NAALADL2: variants seen among roughly 807,000 people sequenced by gnomAD.
NAALADL2 encodes inactive N-acetylated-alpha-linked acidic dipeptidase-like protein 2.
Under a neutral mutation model 87.2 loss-of-function variants are expected in NAALADL2, and 76 were observed. That is an observed-to-expected ratio of 0.87 (90% CI 0.72 to 1.05). The LOEUF (loss-of-function observed/expected upper bound fraction) is 1.05, where lower values mean the gene tolerates loss of function less well. Ranked by LOEUF, NAALADL2 falls within the 50% of genes least tolerant of loss-of-function variation. The probability of loss-of-function intolerance (pLI) is 0.00; values close to 1 mark genes in which losing one functional copy is unlikely to be tolerated. For synonymous variants in NAALADL2, 354 were observed against 331.0 expected (o/e 1.07, Z -0.75); for missense variants, 1,089 against 945.8 (o/e 1.15, Z -1.99).
At position 174,853,201 on chromosome 3, in the gene NAALADL2, C is replaced by CAAAAAAAAA. The variant is rs34303846; in HGVS notation, c.-9+115474_-9+115482dup. Among the ~76,000 whole-genome samples, 145 of 45,604 alleles carry CAAAAAAAAA rather than the reference C, an allele frequency of 3.2e-3. 7 individuals are homozygous for CAAAAAAAAA. Among genetic ancestry groups the CAAAAAAAAA allele is most frequent in the Middle Eastern group, 0.02 (1 of 50 alleles). The allele number at this position is 45,604 out of a possible 152,430, so 29.9% of individuals were successfully genotyped here. ...CAACATGGTGAAACCCCGTCTCTAC[C>CAAAAAAAAA]AAAAAAAAAAAAAAAAAAAAAAAAA... On this transcript the variant is annotated intron_variant, in intron 3 of 3. Coordinates refer to the NAALADL2 transcript ENST00000434257.
chr3:175,140,816 G>A (rs1417667018), intron 2 of NAALADL2, among the ~76,000 whole-genome samples: 1 of 152,080 alleles, frequency 6.6e-6, no homozygotes, highest in Non-Finnish European at 1.5e-5. Flanking sequence ...GAAACAGAGG[G>A]AAGATGTTGA....
At chr3:174,714,317 G>T (rs1406801062) in intron 2 of NAALADL2, among the ~76,000 whole-genome samples, 5 of 152,134 alleles carry the variant, frequency 3.3e-5, no homozygotes, top group African/African-American at 1.2e-4. Flanking sequence ...CTTTAAAGTA[G>T]TTTTTTCCAA....
At chr3:175,206,203 T>C (rs111811421) in intron 2 of NAALADL2, among the ~76,000 whole-genome samples, 11,980 of 143,680 alleles carry the variant, frequency 0.083, 605 homozygotes, top group East Asian at 0.12. Flanking sequence ...ACCCAAATGC[T>C]CATCAATCAA....
In NAALADL2 at chr3:175,530,106, G is replaced by A. The variant is rs562671150; in HGVS notation, c.1654-45935G>A. Among the ~76,000 whole-genome samples the A allele has an allele frequency of 1.9e-4, 29 of 152,226 alleles. No individual in the cohort carries two copies. In the East Asian group the frequency reaches 5.0e-3, roughly 26 times the overall value. ...TGTAACTTCCATCCCTGTTACCATG[G>A]CCACTTTGTTCATGGGCCCATCGGG... On this transcript the variant is annotated intron_variant, in intron 9 of 13. Transcript: ENST00000454872.
chr3:175,048,294 G>A (rs566923691), intron 1 of NAALADL2, among the ~76,000 whole-genome samples: 3 of 152,218 alleles, frequency 2.0e-5, no homozygotes, highest in South Asian at 4.1e-4. Context: ...ATTGTGGAAA[G>A]GAAGAAAGGG....
At chr3:175,524,058 A>G (rs2149427230) in intron 9 of NAALADL2, among the ~76,000 whole-genome samples, 1 of 152,270 alleles carries the variant, frequency 6.6e-6, no homozygotes, top group Non-Finnish European at 1.5e-5. Flanking sequence ...CTGGAAAGTG[A>G]TTTTATGTGT....
chr3:174,568,654 A>T (rs903650121), intron 2 of NAALADL2, among the ~76,000 whole-genome samples: 25 of 151,706 alleles, frequency 1.6e-4, no homozygotes, highest in African/African-American at 5.8e-4. Flanking sequence ...TGATGTATGT[A>T]TATATATCTG....
At chr3:175,645,745 C>T (rs547498994) in intron 11 of NAALADL2, among the ~76,000 whole-genome samples, 4 of 152,194 alleles carry the variant, frequency 2.6e-5, no homozygotes, top group African/African-American at 7.2e-5. Context: ...TAGTTGATAA[C>T]ATAGGACCTC....
At position 174,548,377 on chromosome 3, in the gene NAALADL2, C is replaced by G. The variant is rs188305730; in HGVS notation, c.-183-2192C>G. 5.9e-4 allele frequency among the ~76,000 whole-genome samples: 90 copies of G among 151,898 alleles called. No homozygotes were observed. The East Asian group carries it at 0.011, about 18-fold the overall frequency. ...GTGGGTTCAAATTAATGTACATATGCACAGAAAAAAAACTAGAAAAAAATA... is the reference window on the plus strand; with the variant it reads ...GTGGGTTCAAATTAATGTACATATGGACAGAAAAAAAACTAGAAAAAAATA... On this transcript the variant is annotated intron_variant, in intron 1 of 3. Transcript: ENST00000434257.
At position 175,668,781 on chromosome 3, in the gene NAALADL2, G is replaced by A. The variant is rs558885830; in HGVS notation, c.1896+41395G>A. Among the ~76,000 whole-genome samples the A allele has an allele frequency of 2.0e-5, 3 of 152,142 alleles. No individual in the cohort carries two copies. In the East Asian group the frequency reaches 5.8e-4, roughly 29 times the overall value. Reference sequence around the variant, plus strand: ...ACCAGATTGTCTCAGTTTTCCGTGCGATATAATGAATAACAAAAGACCAAG... The same window carrying A: ...ACCAGATTGTCTCAGTTTTCCGTGCAATATAATGAATAACAAAAGACCAAG... On this transcript the variant is annotated intron_variant, in intron 11 of 13. Coordinates refer to ENST00000454872, the MANE Select transcript of NAALADL2 (RefSeq NM_207015.3).
chr3:175,782,981 G>C (rs1751374027), intron 13 of NAALADL2, among the ~76,000 whole-genome samples: 2 of 147,578 alleles, frequency 1.4e-5, no homozygotes, highest in Non-Finnish European at 3.0e-5. Flanking sequence ...CCCATTGCTT[G>C]TTTTTCTCAG....
intron 3 of NAALADL2, among the ~76,000 whole-genome samples, chr3:174,754,033 C>T (rs1335722878): frequency 6.6e-6 from 1 of 152,202 alleles, no homozygotes; most frequent in Non-Finnish European, 1.5e-5. Context: ...TCCTCCCAAA[C>T]TGTGGGAAAC....
At chr3:174,516,682 C>T (rs1318587035) in intron 1 of NAALADL2, among the ~76,000 whole-genome samples, 1 of 151,954 alleles carries the variant, frequency 6.6e-6, no homozygotes, top group East Asian at 1.9e-4. Flanking sequence ...TTGTCTAATA[C>T]AAGTTTTTCA....
intron 1 of NAALADL2, among the ~76,000 whole-genome samples, chr3:174,526,513 A>G (rs1720761983): frequency 1.3e-5 from 2 of 152,190 alleles, no homozygotes; most frequent in Admixed American, 1.3e-4. Context: ...GGCATATAAT[A>G]TATATTGACT....
intron 1 of NAALADL2, among the ~76,000 whole-genome samples, chr3:174,905,203 T>C (rs1732822905): frequency 6.6e-6 from 1 of 151,946 alleles, no homozygotes; most frequent in Non-Finnish European, 1.5e-5. Flanking sequence ...TATTAATATA[T>C]AGCTGACAAG....
At chr3:174,695,692 C>A (rs1010714474) in intron 2 of NAALADL2, among the ~76,000 whole-genome samples, 1 of 151,948 alleles carries the variant, frequency 6.6e-6, no homozygotes, top group African/African-American at 2.4e-5. Flanking sequence ...TTTGTCTAAA[C>A]CTAAGGCATC....
chr3:175,073,873 G>A (rs1188295158), intron 1 of NAALADL2, among the ~76,000 whole-genome samples: 1 of 152,038 alleles, frequency 6.6e-6, no homozygotes, highest in African/African-American at 2.4e-5. Flanking sequence ...ACCTCAGTTA[G>A]GACTTCTTTC....
chr3:174,683,431 T>C (rs1727739289), intron 2 of NAALADL2, among the ~76,000 whole-genome samples: 1 of 152,074 alleles, frequency 6.6e-6, no homozygotes, highest in Non-Finnish European at 1.5e-5. Context: ...TTTTTTGTAG[T>C]TTTAGTATGC....
intron 4 of NAALADL2, among the ~76,000 whole-genome samples, chr3:175,274,933 A>T (rs373174860): frequency 1.3e-5 from 2 of 152,316 alleles, no homozygotes; most frequent in African/African-American, 4.8e-5. Flanking sequence ...TGAGAAAAAA[A>T]CTTGTCAGGA....
Sources: allele counts gnomAD v4.1 joint callset (sites outside exome capture counted in the v4.1 genomes callset), GRCh38; gene constraint gnomAD v4.1.1; transcripts MANE v1.5; gene names NCBI Gene and HGNC (gene_info 2026-07-23, HGNC 2026-07-21).